Variants in HEMK2 observed in about 807,000 individuals in gnomAD.
HEMK2 encodes the protein HemK methyltransferase 2, ETF1 glutamine and histone H4 lysine.
the HEMK2 span, among the ~76,000 whole-genome samples, chr21:28,679,091 C>G: frequency 6.6e-6 from 1 of 152,180 alleles, no homozygotes; most frequent in Non-Finnish European, 1.5e-5. Context: ...TTAAAAGACA[C>G]AGACTGGCAA....
the HEMK2 span, among the ~76,000 whole-genome samples, chr21:28,756,190 ACTGTGCATCTGT>A: frequency 6.6e-6 from 1 of 152,158 alleles, no homozygotes; most frequent in Admixed American, 6.5e-5. Context: ...TTCCCTATGA[ACTGTGCATCTGT>A]CTACCCTGGG....
At chr21:28,588,741 A>T in the HEMK2 span, among the ~76,000 whole-genome samples, 1 of 152,014 alleles carries the variant, frequency 6.6e-6, no homozygotes, top group Non-Finnish European at 1.5e-5. Flanking sequence ...GAGGCCGAGG[A>T]GGTCGGATCA....
At chr21:28,696,644 G>A in the HEMK2 span, among the ~76,000 whole-genome samples, 3 of 152,164 alleles carry the variant, frequency 2.0e-5, no homozygotes, top group African/African-American at 7.2e-5. Context: ...CCTCTAAGCA[G>A]TGTCCCAGTA....
the HEMK2 span, among the ~76,000 whole-genome samples, chr21:28,790,425 T>A: frequency 2.6e-5 from 4 of 152,216 alleles, no homozygotes; most frequent in Non-Finnish European, 5.9e-5. Context: ...TCTTGCAGAC[T>A]GCCACAGAGA....
chr21:28,633,444 A>C, the HEMK2 span, among the ~76,000 whole-genome samples: 10 of 152,274 alleles, frequency 6.6e-5, no homozygotes, highest in Non-Finnish European at 1.2e-4. Flanking sequence ...CTCTGGGTCT[A>C]TTTGTTTTCA....
chr21:28,794,151 T>A, the HEMK2 span, among the ~76,000 whole-genome samples: 2 of 152,312 alleles, frequency 1.3e-5, no homozygotes, highest in East Asian at 3.9e-4. Flanking sequence ...AAGTTTTTTT[T>A]AATAATATAC....
the HEMK2 span, among the ~76,000 whole-genome samples, chr21:28,784,735 TCAAAA>T: frequency 6.6e-6 from 1 of 152,148 alleles, no homozygotes; most frequent in Non-Finnish European, 1.5e-5. Flanking sequence ...CAGCACCCTG[TCAAAA>T]CAGACCAATC....
the HEMK2 span, among the ~76,000 whole-genome samples, chr21:28,693,328 A>G: frequency 6.6e-6 from 1 of 152,202 alleles, no homozygotes; most frequent in Non-Finnish European, 1.5e-5. Flanking sequence ...AGAAGCGTGC[A>G]CCATTTGCCC....
the HEMK2 span, among the ~76,000 whole-genome samples, chr21:28,792,031 C>G: frequency 6.6e-6 from 1 of 152,110 alleles, no homozygotes; most frequent in African/African-American, 2.4e-5. Flanking sequence ...TCATTATATG[C>G]TAATTATAAT....
At chr21:28,644,680 G>T in the HEMK2 span, among the ~76,000 whole-genome samples, 12 of 152,266 alleles carry the variant, frequency 7.9e-5, no homozygotes, top group Non-Finnish European at 1.6e-4. Flanking sequence ...AACTCATAGA[G>T]TCTTAATTCT....
chr21:28,800,318 A>G, the HEMK2 span, among the ~76,000 whole-genome samples: 1 of 152,030 alleles, frequency 6.6e-6, no homozygotes, highest in Non-Finnish European at 1.5e-5. Context: ...AAACCAACCC[A>G]ACCACTAAGA....
At chr21:28,782,610 T>A in the HEMK2 span, among the ~76,000 whole-genome samples, 1 of 152,240 alleles carries the variant, frequency 6.6e-6, no homozygotes, top group Non-Finnish European at 1.5e-5. Context: ...TAGGGAAAAG[T>A]TTTAATATCC....
At chr21:28,654,232 C>G in the HEMK2 span, among the ~76,000 whole-genome samples, 2 of 152,224 alleles carry the variant, frequency 1.3e-5, no homozygotes, top group South Asian at 2.1e-4. Context: ...AGTTATGGAT[C>G]GTGGGCCATA....
At chr21:28,872,617 T>G in the HEMK2 span, 1 of 152,186 alleles carries the variant, frequency 6.6e-6, no homozygotes, top group East Asian at 1.9e-4. Context: ...GCTTACATGA[T>G]TATGGAGGCT....
the HEMK2 span, among the ~76,000 whole-genome samples, chr21:28,699,976 C>T: frequency 6.6e-6 from 1 of 152,030 alleles, no homozygotes; most frequent in Non-Finnish European, 1.5e-5. Flanking sequence ...AAATTTATAC[C>T]AATTTTCTTT....
At chr21:28,838,972 A>AAATATAT in the HEMK2 span, among the ~76,000 whole-genome samples, 1 of 29,158 alleles carries the variant, frequency 3.4e-5, no homozygotes, top group African/African-American at 1.9e-4. Flanking sequence ...AAAAAAAAAA[A>AAATATAT]ATATATATAT....
At chr21:28,847,235 C>T in the HEMK2 span, among the ~76,000 whole-genome samples, 1 of 152,140 alleles carries the variant, frequency 6.6e-6, no homozygotes, top group Non-Finnish European at 1.5e-5. Flanking sequence ...TTTATATTCC[C>T]ACCAGCAATG....
At chr21:28,729,707 TA>T in the HEMK2 span, among the ~76,000 whole-genome samples, 2 of 151,908 alleles carry the variant, frequency 1.3e-5, no homozygotes, top group African/African-American at 4.8e-5. Context: ...TGTGTTGCAT[TA>T]AAAGTTGTCC....
chr21:28,777,928 C>G, the HEMK2 span, among the ~76,000 whole-genome samples: 1 of 152,134 alleles, frequency 6.6e-6, no homozygotes, highest in Non-Finnish European at 1.5e-5. Flanking sequence ...CTTCCAAAAT[C>G]CCATGAGAAC....
Sources: gnomAD v4.1 joint callset for allele counts (sites outside exome capture counted in the v4.1 genomes callset) on GRCh38, gnomAD v4.1.1 for gene constraint, MANE v1.5 for transcripts, NCBI Gene and HGNC (gene_info 2026-07-23, HGNC 2026-07-21) for gene names.